ACSL4: variants seen among roughly 807,000 people sequenced by gnomAD.
ACSL4 encodes the protein acyl-CoA synthetase long chain family member 4.
Under a neutral mutation model 49.1 loss-of-function variants are expected in ACSL4, and 9 were observed. The observed-to-expected ratio is 0.18, with a 90% CI of 0.11 to 0.32. ACSL4 has a LOEUF of 0.32. ACSL4 is among the 10% of genes least tolerant of loss of function. The pLI, the probability that ACSL4 is intolerant of heterozygous loss-of-function variation, is 1.00. For synonymous variants in ACSL4, 191 were observed against 170.3 expected (o/e 1.12, Z -0.95); for missense variants, 333 against 493.7 (o/e 0.67, Z 3.08).
chrX:109,705,640 G>A (rs1374646068), intron 1 of ACSL4, among the ~76,000 whole-genome samples: 1 of 112,286 alleles, frequency 8.9e-6, no homozygotes, highest in African/African-American at 3.2e-5. Flanking sequence ...ACAAATAGAA[G>A]CTATTAAAAC....
At chrX:109,709,095 C>G (rs1020219526) in intron 1 of ACSL4, among the ~76,000 whole-genome samples, 8 of 111,941 alleles carry the variant, frequency 7.1e-5, no homozygotes, top group African/African-American at 2.6e-4. Flanking sequence ...GCCATACTTG[C>G]AACCTTCTGC....
In ACSL4 at chrX:109,681,261, T is replaced by C; in HGVS notation, c.516+5A>G. On this transcript the variant is annotated splice_donor_5th_base_variant and intron_variant, in intron 5 of 15. Transcript: ENST00000672401. ...CCATGAATTAAAAGAAAATTTCATA[T>C]TTACCTTAAGTTTACTTTCCAGAAG... 1 of 1,204,733 alleles carries C rather than the reference T, an allele frequency of 8.3e-7. No individual in the cohort carries two copies. The highest frequency in any genetic ancestry group is 1.8e-5 in the South Asian group (1 of 56,780).
At chrX:109,710,784 C>T (rs1569440201) in intron 1 of ACSL4, among the ~76,000 whole-genome samples, 1 of 112,089 alleles carries the variant, frequency 8.9e-6, no homozygotes, top group East Asian at 2.8e-4. Flanking sequence ...AATCATAGCT[C>T]ACTGCTGCCT....
chrX:109,649,806 C>T (rs1603399413), intron 15 of ACSL4, among the ~76,000 whole-genome samples: 4 of 107,771 alleles, frequency 3.7e-5, no homozygotes, highest in South Asian at 8.3e-4. Context: ...CCAGAATCTA[C>T]AATGAACTCA....
chrX:109,684,324 T>C (rs1412822854), intron 2 of ACSL4, among the ~76,000 whole-genome samples: 1 of 112,950 alleles, frequency 8.9e-6, no homozygotes, highest in Admixed American at 9.3e-5. Flanking sequence ...AATACAAGTC[T>C]GAAGTAGTAT....
At position 109,663,276 on chromosome X, in the gene ACSL4, C is replaced by G; in HGVS notation, c.1517G>C (p.Gly506Ala). The part of the protein sequence containing the change: ...TAEDYSVDEN[G>A]QRWFCTGDIG... ...ATCACCAGTGCAAAACCACCTTTGT[C>G]CATTTTCATCCACAGAATAATCTTC... The change falls in exon 13 of 16, where the codon GGA (glycine) becomes GCA (alanine). Residue 506 changes from glycine to alanine, a missense_variant. Physicochemically the swap from Gly to Ala is moderately conservative, Grantham distance 60. This residue lies in a region of ACSL4 where 175 missense variants were observed against 275.8 expected (regional missense o/e 0.63). Transcript: ENST00000672401. 8.3e-7 allele frequency: 1 copy of G among 1,208,933 alleles called. No individual in the cohort carries two copies. Among genetic ancestry groups the G allele is most frequent in the Non-Finnish European group, 1.1e-6 (1 of 893,273 alleles).
chrX:109,723,096 AC>A (rs1225806593), intron 1 of ACSL4, among the ~76,000 whole-genome samples: 1 of 111,445 alleles, frequency 9.0e-6, no homozygotes, highest in African/African-American at 3.3e-5. Context: ...TTTTTTAAAA[AC>A]CTGAGTGTTC....
chrX:109,672,275 A>T (rs1262881163), intron 9 of ACSL4, among the ~76,000 whole-genome samples: 1 of 100,880 alleles, frequency 9.9e-6, no homozygotes, highest in Middle Eastern at 4.9e-3. Context: ...ATGAGATCTT[A>T]AAAAAAAAAT....
chrX:109,683,815 C>G (rs1186716407), intron 2 of ACSL4: 2 of 199,454 alleles, frequency 1.0e-5, no homozygotes, highest in African/African-American at 5.9e-5. Context: ...TTACAGAAAG[C>G]TGAAATAACT....
intron 1 of ACSL4, among the ~76,000 whole-genome samples, chrX:109,713,645 G>T (rs1038839756): frequency 9.0e-6 from 1 of 111,489 alleles, no homozygotes; most frequent in African/African-American, 3.3e-5. Flanking sequence ...GGCTTATTGA[G>T]CCACTGTAAT....
intron 15 of ACSL4, among the ~76,000 whole-genome samples, chrX:109,648,687 G>A (rs1330207869): frequency 9.1e-6 from 1 of 109,444 alleles, no homozygotes; most frequent in Admixed American, 9.9e-5. Flanking sequence ...CGATCAGGCA[G>A]GAGAAGGAAA....
At chrX:109,726,318 G>C (rs754350973) in intron 1 of ACSL4, among the ~76,000 whole-genome samples, 3 of 111,791 alleles carry the variant, frequency 2.7e-5, no homozygotes, top group African/African-American at 9.8e-5. Flanking sequence ...AGCTACTCGG[G>C]AGGCTAAGGC....
At chrX:109,729,750 T>C (rs372981065) in intron 1 of ACSL4, among the ~76,000 whole-genome samples, 18 of 112,202 alleles carry the variant, frequency 1.6e-4, no homozygotes, top group South Asian at 1.1e-3. Flanking sequence ...AGTAAATCCA[T>C]ATTATGGAAT....
intron 2 of ACSL4, among the ~76,000 whole-genome samples, chrX:109,695,289 G>A (rs1441056939): frequency 3.8e-5 from 4 of 105,770 alleles, no homozygotes; most frequent in African/African-American, 6.9e-5. Flanking sequence ...AGGTTGCAGT[G>A]AGCCGAGATC....
intron 1 of ACSL4, among the ~76,000 whole-genome samples, chrX:109,732,252 G>A (rs751103373): frequency 6.7e-4 from 75 of 111,797 alleles, no homozygotes; most frequent in African/African-American, 2.4e-3. Flanking sequence ...CTTTTTTTAG[G>A]TGAAAAGAGC....
intron 6 of ACSL4, among the ~76,000 whole-genome samples, 166 bp downstream of exon 6, chrX:109,680,832 G>A (rs775025092): frequency 1.8e-5 from 2 of 111,665 alleles, no homozygotes; most frequent in South Asian, 7.5e-4. Flanking sequence ...AGAAATGGAG[G>A]GAAAATCTTA....
intron 9 of ACSL4, among the ~76,000 whole-genome samples, chrX:109,673,865 A>G (rs759603806): frequency 4.5e-5 from 5 of 111,367 alleles, no homozygotes; most frequent in Non-Finnish European, 7.5e-5. Flanking sequence ...TTACAAGGCT[A>G]TAAAATGTAA....
chrX:109,665,991 G>C (rs1355834896), intron 11 of ACSL4, among the ~76,000 whole-genome samples: 2 of 112,317 alleles, frequency 1.8e-5, no homozygotes, highest in African/African-American at 6.5e-5. Flanking sequence ...AAAGATGTTA[G>C]CTGCTGTTGT....
At chrX:109,681,720 T>C (rs781304741) in intron 4 of ACSL4, among the ~76,000 whole-genome samples, 3 of 112,379 alleles carry the variant, frequency 2.7e-5, no homozygotes, top group African/African-American at 6.5e-5. Context: ...CTAGGGCTTC[T>C]TCTTGATACA....
Sources: gnomAD v4.1 joint callset for allele counts (sites outside exome capture counted in the v4.1 genomes callset) on GRCh38, gnomAD v4.1.1 for gene constraint, gnomAD v4.1.1 regional missense constraint, MANE v1.5 for transcripts, NCBI Gene and HGNC (gene_info 2026-07-23, HGNC 2026-07-21) for gene names.